Variants in SH3RF2 observed in about 807,000 individuals in gnomAD.
SH3RF2 encodes SH3 domain containing ring finger 2, also known as E3 ubiquitin-protein ligase SH3RF2.
In SH3RF2, 43 loss-of-function variants were observed where a neutral mutation model predicts 59.0. That is an observed-to-expected ratio of 0.73 (90% CI 0.57 to 0.94). The LOEUF is 0.94. SH3RF2 is among the 40% of genes least tolerant of loss of function. The probability of loss-of-function intolerance (pLI) is 0.00; values close to 1 mark genes in which losing one functional copy is unlikely to be tolerated. For synonymous variants in SH3RF2, 391 were observed against 391.5 expected, an observed-to-expected ratio of 1.00 and a Z score of 0.01; for missense variants, 930 against 940.1, an observed-to-expected ratio of 0.99 and a Z score of 0.14.
In SH3RF2 at chr5:145,986,170, G is replaced by A. The variant is rs538076305; in HGVS notation, c.379-13888G>A. On this transcript the variant is annotated intron_variant, in intron 2 of 9. Transcript: ENST00000359120. Reference sequence around the variant, plus strand: ...ACACAGTGTATAAGTTGTAAATCACGTTCAGGGGCCACCTCCAGCCCCCAG... The same window carrying A: ...ACACAGTGTATAAGTTGTAAATCACATTCAGGGGCCACCTCCAGCCCCCAG... 8.5e-5 allele frequency among the ~76,000 whole-genome samples: 13 copies of A among 152,182 alleles called. No individual in the cohort carries two copies. The East Asian group carries it at 1.3e-3, about 16-fold the overall frequency.
downstream of SH3RF2, among the ~76,000 whole-genome samples, chr5:146,063,920 G>A (rs956803224): frequency 1.3e-5 from 2 of 152,136 alleles, no homozygotes; most frequent in African/African-American, 4.8e-5. Context: ...ATATGGGGTT[G>A]GGGTTAGGAT....
chr5:145,981,426 T>C (rs993395470), intron 2 of SH3RF2, among the ~76,000 whole-genome samples: 6 of 151,562 alleles, frequency 4.0e-5, no homozygotes, highest in African/African-American at 1.5e-4. Flanking sequence ...ATGGTTTGTT[T>C]GAATCAGGAT....
intron 2 of SH3RF2, among the ~76,000 whole-genome samples, chr5:145,955,754 C>T (rs1758377639): frequency 6.6e-6 from 1 of 152,114 alleles, no homozygotes; most frequent in Non-Finnish European, 1.5e-5. Flanking sequence ...TGAACATAAG[C>T]ATATATGGTC....
At position 146,049,208 on chromosome 5, in the gene SH3RF2, G is replaced by C; in HGVS notation, c.1285G>C (p.Gly429Arg). The C allele has an allele frequency of 6.2e-7, 1 of 1,613,494 alleles. No individual in the cohort carries two copies. Among genetic ancestry groups the C allele is most frequent in the Non-Finnish European group, 8.5e-7 (1 of 1,179,736 alleles). The change falls in exon 7 of 10, where the codon GGC becomes CGC. Residue 429 changes from glycine to arginine, a missense_variant. Coordinates refer to ENST00000359120, the MANE Select transcript of SH3RF2 (RefSeq NM_152550.4). Reference protein sequence around the residue: ...RGVSLVTGRVGIFPNNYVIPI... With the variant: ...RGVSLVTGRVRIFPNNYVIPI... Reference sequence around the variant, plus strand: ...CGTCTCCTTGGTCACCGGGCGAGTCGGCATCTTCCCAAACAATTACGTCAT... The same window carrying C: ...CGTCTCCTTGGTCACCGGGCGAGTCCGCATCTTCCCAAACAATTACGTCAT...
At chr5:146,055,689 C>T in intron 7 of SH3RF2, 1 of 415,872 alleles carries the variant, frequency 2.4e-6, no homozygotes, top group Non-Finnish European at 4.3e-6. Flanking sequence ...GAGGAATGAT[C>T]AGAACTGGAG....
In SH3RF2 at chr5:146,008,150, T is replaced by C. The variant is rs1015627907; in HGVS notation, c.744+3997T>C. On this transcript the variant is annotated intron_variant, in intron 4 of 9. Coordinates refer to ENST00000359120, the MANE Select transcript of SH3RF2 (RefSeq NM_152550.4). ...CTCATTCTTATCAGGACTCCTCCAA[T>C]GGAGCCTGCCTGGGTTATATGAACT... Among the ~76,000 whole-genome samples, 3 of 152,362 alleles carry C rather than the reference T, an allele frequency of 2.0e-5. No homozygotes were observed. The East Asian group carries it at 5.8e-4, about 29-fold the overall frequency.
At chr5:146,064,840 G>GAA (rs1205340417), downstream of SH3RF2, among the ~76,000 whole-genome samples, 2 of 14,632 alleles carry the variant, frequency 1.4e-4, no homozygotes, top group East Asian at 0.05. Context: ...AAGAAAGAAA[G>GAA]AAAGAAAGAA....
chr5:146,016,960 C>T (rs1179344800), intron 5 of SH3RF2, among the ~76,000 whole-genome samples: 1 of 152,216 alleles, frequency 6.6e-6, no homozygotes, highest in African/African-American at 2.4e-5. Context: ...TAAGCTGCTG[C>T]CTCATTCTCC....
At chr5:146,058,011 C>A (rs2906824) in intron 8 of SH3RF2, among the ~76,000 whole-genome samples, 3 of 150,240 alleles carry the variant, frequency 2.0e-5, no homozygotes, top group East Asian at 3.9e-4. Context: ...ATTTAAAAAA[C>A]GAGAAATGTT....
intron 2 of SH3RF2, among the ~76,000 whole-genome samples, chr5:145,975,856 G>A (rs932212027): frequency 1.3e-5 from 2 of 152,240 alleles, no homozygotes; most frequent in Non-Finnish European, 2.9e-5. Context: ...GTAAACTGGA[G>A]ATAATTAGAG....
chr5:145,999,963 T>C, intron 2 of SH3RF2, 95 bp from the exon 3 acceptor site: 2 of 1,474,326 alleles, frequency 1.4e-6, no homozygotes, highest in Non-Finnish European at 1.8e-6. Flanking sequence ...GCAAAGCATG[T>C]TAAAGCAAAG....
intron 2 of SH3RF2, among the ~76,000 whole-genome samples, chr5:145,961,970 C>T (rs987432971): frequency 6.6e-6 from 1 of 152,160 alleles, no homozygotes; most frequent in Non-Finnish European, 1.5e-5. Context: ...CTCTACCTAC[C>T]GCTTTCTTCA....
chr5:146,022,394 G>C (rs2149998473), intron 5 of SH3RF2, among the ~76,000 whole-genome samples: 1 of 152,232 alleles, frequency 6.6e-6, no homozygotes, highest in East Asian at 1.9e-4. Flanking sequence ...TATGAAGAGA[G>C]ACTAGGTTTC....
chr5:146,001,038 A>C (rs142000373), intron 3 of SH3RF2, among the ~76,000 whole-genome samples: 32 of 152,348 alleles, frequency 2.1e-4, no homozygotes, highest in Non-Finnish European at 3.4e-4. Flanking sequence ...CCAGACACAC[A>C]CAATAACATA....
chr5:145,989,431 T>C (rs923605462), intron 2 of SH3RF2, among the ~76,000 whole-genome samples: 3 of 152,228 alleles, frequency 2.0e-5, no homozygotes, highest in African/African-American at 7.2e-5. Context: ...AATTCACTCA[T>C]TCATTCATCA....
At chr5:145,965,542 T>C (rs1330904610) in intron 2 of SH3RF2, among the ~76,000 whole-genome samples, 2 of 152,232 alleles carry the variant, frequency 1.3e-5, no homozygotes, top group Non-Finnish European at 2.9e-5. Context: ...AGTTCAGTTA[T>C]ATTCATTTCA....
chr5:146,079,771 G>A (rs1763395644), exon 10 of SH3RF2: 1 of 152,256 alleles, frequency 6.6e-6, no homozygotes, highest in Non-Finnish European at 1.5e-5. Context: ...AGGAGGAGGT[G>A]ACAATACACC....
intron 5 of SH3RF2, 151 bp from the exon 6 acceptor site, chr5:146,047,621 C>T: frequency 1.4e-6 from 1 of 700,882 alleles, no homozygotes; most frequent in Non-Finnish European, 2.4e-6. Context: ...CCCACAGCCA[C>T]AAACCACAGA....
chr5:146,071,269 T>A (rs1763233078), intron 9 of SH3RF2, among the ~76,000 whole-genome samples: 1 of 152,196 alleles, frequency 6.6e-6, no homozygotes. Flanking sequence ...CACCACCACC[T>A]TCTCTCCAAT....
Sources: allele counts gnomAD v4.1 joint callset (sites outside exome capture counted in the v4.1 genomes callset), GRCh38; gene constraint gnomAD v4.1.1; transcripts MANE v1.5; gene names NCBI Gene and HGNC (gene_info 2026-07-23, HGNC 2026-07-21).